Variants in NKPD1 observed in about 807,000 individuals in gnomAD.
NKPD1 encodes the protein NTPase KAP family P-loop domain-containing protein 1.
A neutral mutation model predicts 42.2 loss-of-function variants in NKPD1; 37 were observed. The ratio of observed to expected loss-of-function variants is 0.88; its 90% CI spans 0.67 to 1.15. NKPD1 has a LOEUF of 1.15. Among genes scored for constraint, NKPD1 ranks in the 50% most tolerant of loss-of-function variants. The pLI is 0.00. For missense variants in NKPD1, 1,113 were observed against 1,174.6 expected (o/e 0.95, Z 0.77); for synonymous variants, 552 against 536.5 (o/e 1.03, Z -0.40).
intron 1 of NKPD1, among the ~76,000 whole-genome samples, chr19:45,160,565 C>T (rs1006773415): frequency 3.3e-5 from 5 of 151,588 alleles, no homozygotes; most frequent in Admixed American, 1.3e-4. Context: ...AAGGTGTGGG[C>T]GCTGTGGGAG....
intron 3 of NKPD1, among the ~76,000 whole-genome samples, chr19:45,157,561 AT>A (rs1464535623): frequency 1.3e-5 from 2 of 151,904 alleles, no homozygotes; most frequent in Non-Finnish European, 2.9e-5. Context: ...ACAGGCGTGC[AT>A]CACTATGCTG....
chr19:45,158,941 C>T lies in NKPD1; in HGVS notation c.251G>A (p.Arg84Gln), dbSNP rs1045952468. Reference protein sequence around the residue: ...GLLPSVLQQQRQPQSQPSPPS... With the variant: ...GLLPSVLQQQQQPQSQPSPPS... ...AGGTGAGGGCTGGGACTGGGGCTGCCGCTGCTGCTGCAGGACGGAGGGCAG... is the reference window on the plus strand; with the variant it reads ...AGGTGAGGGCTGGGACTGGGGCTGCTGCTGCTGCTGCAGGACGGAGGGCAG... The change falls in exon 3 of 5, where the codon CGG (arginine) becomes CAG (glutamine). Residue 84 changes from arginine (R) to glutamine (Q), a missense_variant. Physicochemically the swap from Arg to Gln is conservative, Grantham distance 43 (BLOSUM62 1). This residue lies in a region of NKPD1 where 204 missense variants were observed against 227.8 expected (regional missense o/e 0.90). Transcript: ENST00000686631. This position sits in a 1 kb window ranked among gnomAD's most constrained non-coding sequence, Gnocchi z 4.6. The T allele has an allele frequency of 4.3e-5, 56 of 1,299,336 alleles. No individual in the cohort carries two copies. The highest frequency in any genetic ancestry group is 5.2e-5 in the Non-Finnish European group (51 of 987,406). 80.5% of individuals were successfully genotyped at this position (1,299,336 alleles called of 1,614,324 possible). A position where few individuals can be genotyped will look rare whatever the true frequency, so the allele number is the denominator to read the frequency against.
chr19:45,154,423 G>A (rs1194634539), intron 4 of NKPD1, among the ~76,000 whole-genome samples: 1 of 152,236 alleles, frequency 6.6e-6, no homozygotes, highest in African/African-American at 2.4e-5. Context: ...GCACCAGAAG[G>A]TGCTTAGGGA....
rs188735815 is a variant in NKPD1, at chr19:45,157,927, G to A, written c.529+736C>T. Among the ~76,000 whole-genome samples the A allele has an allele frequency of 6.5e-4, 99 of 152,060 alleles. No individual in the cohort carries two copies. The Middle Eastern group carries it at 0.01, about 16-fold the overall frequency. On this transcript the variant is annotated intron_variant, in intron 3 of 4. Coordinates refer to ENST00000686631, the MANE Select transcript of NKPD1 (RefSeq NM_198478.4). ...TTTAGTAGAGATAGGGTTGTACCAT[G>A]TTGGCCAGGCTGGTCTCAAACCCCT...
chr19:45,155,075 G>A (rs1186988200), intron 4 of NKPD1, among the ~76,000 whole-genome samples: 1 of 148,172 alleles, frequency 6.7e-6, no homozygotes, highest in Admixed American at 6.8e-5. Context: ...TGTAATCCCA[G>A]CACTTTGGGA....
At position 45,155,873 on chromosome 19, in the gene NKPD1, C is replaced by T. The variant is rs754816352; in HGVS notation, c.573G>A (p.Lys191=). 107 of 1,305,264 alleles carry T rather than the reference C, an allele frequency of 8.2e-5. No individual in the cohort carries two copies. The highest frequency in any genetic ancestry group is 6.7e-5 in the Non-Finnish European group (66 of 988,918). The allele number at this position is 1,305,264 out of a possible 1,614,324, so 80.9% of individuals were successfully genotyped here. ...CAGGGACCGGCACGTGGCAGAGTGT[C>T]TTGGCCAGGCAGCTGCAGTAGACGT... is the stretch of plus-strand genomic sequence containing the variant. The part of the protein sequence containing the change: ...EDDVYCSCLA[K]TLCHVPVPVT... Residue 191 remains lysine, a synonymous_variant, in exon 4 of 5, where the codon AAG becomes AAA. Coordinates refer to ENST00000686631, the MANE Select transcript of NKPD1 (RefSeq NM_198478.4).
rs752122309 is a variant in NKPD1 at position 45,153,628 on chromosome 19, C to T, written c.809G>A (p.Arg270Gln). The change falls in exon 5 of 5, where the codon CGG (arginine) becomes CAG (glutamine). Residue 270 changes from arginine (R) to glutamine (Q), a missense_variant. Coordinates refer to ENST00000686631, the MANE Select transcript of NKPD1 (RefSeq NM_198478.4). ...GAAAAGGAACTGCACGTTCCTGCGC[C>T]GCAGGTGCACCTCGGTGATGATGGG... is the stretch of plus-strand genomic sequence containing the variant. ...LQPIITEVHL[R>Q]RRNVQFLFIR... The T allele has an allele frequency of 2.8e-5, 45 of 1,582,370 alleles. No individual in the cohort carries two copies. The highest frequency in any genetic ancestry group is 2.3e-4 in the East Asian group (10 of 43,752).
At chr19:45,161,343 G>A (rs982416363), upstream of NKPD1, among the ~76,000 whole-genome samples, 5 of 152,218 alleles carry the variant, frequency 3.3e-5, no homozygotes, top group East Asian at 5.8e-4. Flanking sequence ...CCTGCCTCTC[G>A]TGGCTGTCGC....
In NKPD1 at chr19:45,151,844, C is replaced by G; in HGVS notation, c.*94G>C. 2.2e-6 allele frequency: 3 copies of G among 1,338,864 alleles called. No homozygotes were observed. Among genetic ancestry groups the G allele is most frequent in the Non-Finnish European group, 3.0e-6 (3 of 1,007,528 alleles). The allele number at this position is 1,338,864 out of a possible 1,614,324, so 82.9% of individuals were successfully genotyped here. A position where few individuals can be genotyped will look rare whatever the true frequency, so the allele number is the denominator to read the frequency against. ...GGGTGTGGGCCTCACAGGGCTCATTCGGACCCTGGGTTGCGGCCCCAGTCC... is the reference window on the plus strand; with the variant it reads ...GGGTGTGGGCCTCACAGGGCTCATTGGGACCCTGGGTTGCGGCCCCAGTCC... On this transcript the variant is annotated 3_prime_UTR_variant, in exon 5 of 5. Coordinates refer to ENST00000686631, the MANE Select transcript of NKPD1 (RefSeq NM_198478.4).
In NKPD1 at chr19:45,152,664, G is replaced by C; in HGVS notation, c.1773C>G (p.Asp591Glu). 6.5e-7 allele frequency: 1 copy of C among 1,542,938 alleles called. No homozygotes were observed. Among genetic ancestry groups the C allele is most frequent in the East Asian group, 2.5e-5 (1 of 40,180 alleles). ...CCTCCTGGATTCGCCGCGCCGCCTCGTCGTCGATGCGGCCCTGCCCGCGCT... is the reference window on the plus strand; with the variant it reads ...CCTCCTGGATTCGCCGCGCCGCCTCCTCGTCGATGCGGCCCTGCCCGCGCT... ...GTERGQGRID[D>E]EAARRIQEAL... Residue 591 changes from aspartate to glutamate, a missense_variant, in exon 5 of 5, where the codon GAC (aspartate) becomes GAG (glutamate). By Grantham distance (45) the Asp-to-Glu change is conservative. This residue lies in a region of NKPD1 where 867 missense variants were observed against 870.1 expected (regional missense o/e 1.00). Transcript: ENST00000686631.
Position 45,153,208 on chromosome 19 carries a change from T to G in NKPD1, c.1229A>C (p.Lys410Thr). ...TTCACGCGACACCAGCCGCTCGATCTTCTTGCGCTGGCTTACGAACAGGTG... is the reference window on the plus strand; with the variant it reads ...TTCACGCGACACCAGCCGCTCGATCGTCTTGCGCTGGCTTACGAACAGGTG... Reference protein sequence around the residue: ...GKHLFVSQRKKIERLVSREKF... With the variant: ...GKHLFVSQRKTIERLVSREKF... Residue 410 changes from lysine (K) to threonine (T), a missense_variant, in exon 5 of 5, where the codon AAG becomes ACG. Coordinates refer to ENST00000686631, the MANE Select transcript of NKPD1 (RefSeq NM_198478.4). The G allele has an allele frequency of 6.3e-7, 1 of 1,594,554 alleles. No individual in the cohort carries two copies. The highest frequency in any genetic ancestry group is 8.5e-7 in the Non-Finnish European group (1 of 1,171,224).
At position 45,151,870 on chromosome 19, in the gene NKPD1, A is replaced by T. The variant is rs1968783342; in HGVS notation, c.*68T>A. 1 of 1,436,780 alleles carries T rather than the reference A, an allele frequency of 7.0e-7. No homozygotes were observed. Among genetic ancestry groups the T allele is most frequent in the African/African-American group, 1.5e-5 (1 of 67,704 alleles). The allele number at this position is 1,436,780 out of a possible 1,614,324, so 89.0% of individuals were successfully genotyped here. On this transcript the variant is annotated 3_prime_UTR_variant, in exon 5 of 5. Transcript: ENST00000686631. ...GGACCCTGGGTTGCGGCCCCAGTCC[A>T]GCCCCCTATTCTCCCATCTGGGCAG...
Position 45,150,835 on chromosome 19 carries a change from T to G in NKPD1, c.*1103A>C, listed in dbSNP as rs1968763988. The G allele has an allele frequency of 6.6e-6, 1 of 152,274 alleles. No homozygotes were observed. The highest frequency in any genetic ancestry group is 2.1e-4 in the South Asian group (1 of 4,838). 9.4% of individuals were successfully genotyped at this position (152,274 alleles called of 1,614,324 possible). A position where few individuals can be genotyped will look rare whatever the true frequency, so the allele number is the denominator to read the frequency against. On this transcript the variant is annotated 3_prime_UTR_variant, in exon 5 of 5. Coordinates refer to ENST00000686631, the MANE Select transcript of NKPD1 (RefSeq NM_198478.4). ...CCCATGGCCTGAGGGTGTGTGCCTT[T>G]GCAGAGCTCTCAGGTTCCTCGGGGG...
Position 45,159,559 on chromosome 19 carries a change from C to T in NKPD1, c.92-459G>A, listed in dbSNP as rs144622326. Among the ~76,000 whole-genome samples, 604 of 152,156 alleles carry T rather than the reference C, an allele frequency of 4.0e-3. 4 individuals carry two copies. Among genetic ancestry groups the T allele is most frequent in the African/African-American group, 0.014 (567 of 41,498 alleles). ...TGGGGGGTGGACCTTGTCCCCAGCT[C>T]GGGCCAGGGTGGCAGGAAGGGTGGT... is the stretch of plus-strand genomic sequence containing the variant. On this transcript the variant is annotated intron_variant, in intron 2 of 4. Transcript: ENST00000686631.
chr19:45,160,084 C>T lies in NKPD1; in HGVS notation c.67G>A (p.Asp23Asn), dbSNP rs1328232705. Residue 23 changes from aspartate (D) to asparagine (N), a missense_variant, in exon 2 of 5, where the codon GAC (aspartate) becomes AAC (asparagine). Physicochemically the swap from Asp to Asn is conservative, Grantham distance 23. Transcript: ENST00000686631. ...CCTTTTCGGTGCCCCAACTCTGGGT[C>T]CCAGAAGTAGTGCCCGTTGGGGCTC... is the stretch of plus-strand genomic sequence containing the variant. ...AQSPNGHYFW[D>N]PELGHRKGCC... is the part of the protein sequence containing the mutation. 7.7e-7 allele frequency: 1 copy of T among 1,304,668 alleles called. No homozygotes were observed. The highest frequency in any genetic ancestry group is 1.2e-5 in the South Asian group (1 of 80,882). 80.8% of individuals were successfully genotyped at this position (1,304,668 alleles called of 1,614,324 possible).
At chr19:45,159,839 G>A (rs2122800996) in intron 2 of NKPD1, among the ~76,000 whole-genome samples, 1 of 152,318 alleles carries the variant, frequency 6.6e-6, no homozygotes, top group East Asian at 1.9e-4. Flanking sequence ...AGGCCAGGCG[G>A]CCCCTGCTTC....
upstream of NKPD1, among the ~76,000 whole-genome samples, chr19:45,162,332 G>A (rs1395037678): frequency 1.3e-5 from 2 of 152,142 alleles, no homozygotes; most frequent in Non-Finnish European, 2.9e-5. Context: ...AGGGCCTGAC[G>A]GGGTGACTGG....
At position 45,153,777 on chromosome 19, in the gene NKPD1, T is replaced by A. The variant is rs999083459; in HGVS notation, c.662-2A>T. The A allele has an allele frequency of 1.4e-6, 2 of 1,458,110 alleles. No homozygotes were observed. The highest frequency in any genetic ancestry group is 2.9e-5 in the African/African-American group (2 of 69,088). 90.3% of individuals were successfully genotyped at this position (1,458,110 alleles called of 1,614,324 possible). On this transcript the variant is annotated splice_acceptor_variant, in intron 4 of 4. Coordinates refer to ENST00000686631, the MANE Select transcript of NKPD1 (RefSeq NM_198478.4). LOFTEE classifies it high-confidence loss of function. ...GCGCGGCCTCCTGCTGCATCAGCGC[T>A]GCGGGAAGGGAGCCCGGGAGCCGCG...
rs753937699 is a variant in NKPD1 at position 45,152,136 on chromosome 19, G to A, written c.2301C>T (p.Ser767=). 5 of 1,600,974 alleles carry A rather than the reference G, an allele frequency of 3.1e-6. No homozygotes were observed. The Admixed American group carries it at 8.6e-5, about 27-fold the overall frequency. Residue 767 remains serine (S), a synonymous_variant, in exon 5 of 5, where the codon AGC becomes AGT. Coordinates refer to ENST00000686631, the MANE Select transcript of NKPD1 (RefSeq NM_198478.4). ...TATCGCGGGTAGGGGACTTGGGCGG[G>A]CTGGGCGGCTTGAGCGCGCTGACGG... is the stretch of plus-strand genomic sequence containing the variant. The part of the protein sequence containing the change: ...IRAVSALKPP[S]PPKSPTRDTP...
Sources: gnomAD v4.1 joint callset for allele counts (sites outside exome capture counted in the v4.1 genomes callset) on GRCh38, gnomAD v4.1.1 for gene constraint, gnomAD v4.1.1 regional missense constraint, Gnocchi (gnomAD v3.1) non-coding constraint, MANE v1.5 for transcripts, NCBI Gene and HGNC (gene_info 2026-07-23, HGNC 2026-07-21) for gene names.